The following ANK2 variants were observed in gnomAD, a reference collection of about 807,000 sequenced individuals.
ANK2 encodes the protein ankyrin 2, also known as ankyrin-2.
Under a neutral mutation model 360.5 loss-of-function variants are expected in ANK2, and 83 were observed. The ratio of observed to expected loss-of-function variants is 0.23; its 90% CI spans 0.19 to 0.28. ANK2 has a LOEUF of 0.28. ANK2 is among the 10% of genes least tolerant of loss of function. The pLI, the probability that ANK2 is intolerant of heterozygous loss-of-function variation, is 1.00. For missense variants in ANK2, 4,201 were observed against 4,795.7 expected, an observed-to-expected ratio of 0.88 and a Z score of 3.66; for synonymous variants, 1,740 against 1,759.5, an observed-to-expected ratio of 0.99 and a Z score of 0.28.
At chr4:112,886,080 G>A (rs1242542807) in intron 1 of ANK2, among the ~76,000 whole-genome samples, 2 of 152,108 alleles carry the variant, frequency 1.3e-5, no homozygotes, top group African/African-American at 4.8e-5. Flanking sequence ...TGCAAGGCGG[G>A]TCTTTAGAGA....
chr4:112,838,341 C>T (rs2061414344), intron 1 of ANK2, among the ~76,000 whole-genome samples: 1 of 152,188 alleles, frequency 6.6e-6, no homozygotes, highest in Non-Finnish European at 1.5e-5. Context: ...TATAAATTAT[C>T]CAGCCTCGGG....
intron 1 of ANK2, among the ~76,000 whole-genome samples, chr4:112,878,172 A>G (rs1560911306): frequency 6.6e-6 from 1 of 151,562 alleles, no homozygotes; most frequent in Non-Finnish European, 1.5e-5. Context: ...CTATCTATCT[A>G]TCTATCTATC....
the ANK2 span, among the ~76,000 whole-genome samples, chr4:112,759,779 T>C: frequency 6.6e-6 from 1 of 152,196 alleles, no homozygotes. Flanking sequence ...CTTTGTACTT[T>C]TCAAAGTGCT....
At chr4:112,783,077 T>C in the ANK2 span, among the ~76,000 whole-genome samples, 4 of 151,670 alleles carry the variant, frequency 2.6e-5, no homozygotes, top group Non-Finnish European at 4.4e-5. Context: ...GCCTGGCTAA[T>C]TTTTGTATTT....
intron 11 of ANK2, 53 bp from the exon 12 acceptor site, chr4:113,257,997 G>T: frequency 6.8e-7 from 1 of 1,466,558 alleles, no homozygotes; most frequent in Non-Finnish European, 9.6e-7. Context: ...GCATGGAGTT[G>T]TGTGAGAATT....
chr4:113,281,789 C>G (rs2062496292), intron 17 of ANK2, among the ~76,000 whole-genome samples: 1 of 152,048 alleles, frequency 6.6e-6, no homozygotes, highest in African/African-American at 2.4e-5. Context: ...TTCTTGTAAG[C>G]AGAGTATGAG....
At chr4:112,707,767 C>T in the ANK2 span, among the ~76,000 whole-genome samples, 108 of 152,234 alleles carry the variant, frequency 7.1e-4, no homozygotes, top group Non-Finnish European at 1.4e-3. Flanking sequence ...CTGTAAAGCA[C>T]TTTTATTGAT....
At chr4:113,199,476 A>C (rs2098798342) in intron 4 of ANK2, among the ~76,000 whole-genome samples, 1 of 152,156 alleles carries the variant, frequency 6.6e-6, no homozygotes, top group African/African-American at 2.4e-5. Flanking sequence ...ATATACTTGA[A>C]AGATTTACAT....
At chr4:113,063,179 T>C (rs982926262) in intron 1 of ANK2, among the ~76,000 whole-genome samples, 2 of 152,094 alleles carry the variant, frequency 1.3e-5, no homozygotes, top group African/African-American at 2.4e-5. Flanking sequence ...ATATTCTCTT[T>C]GGGTGTTGCT....
At chr4:113,094,425 C>T (rs1456654927) in intron 1 of ANK2, among the ~76,000 whole-genome samples, 1 of 152,068 alleles carries the variant, frequency 6.6e-6, no homozygotes, top group Non-Finnish European at 1.5e-5. Flanking sequence ...TGATACTTAT[C>T]TGAAGGGGAT....
intron 42 of ANK2, 32 bp from the exon 43 acceptor site, chr4:113,369,482 C>T (rs1470467017): frequency 2.5e-6 from 4 of 1,609,550 alleles, no homozygotes; most frequent in South Asian, 2.2e-5. Flanking sequence ...ATGCAAATGT[C>T]CCTGAAGTCT....
chr4:112,810,725 T>A, the ANK2 span, among the ~76,000 whole-genome samples: 4 of 151,732 alleles, frequency 2.6e-5, no homozygotes, highest in African/African-American at 9.7e-5. Context: ...CTAATTTTTT[T>A]ATTTTTAGTA....
intron 1 of ANK2, among the ~76,000 whole-genome samples, chr4:113,094,761 G>A (rs1219453728): frequency 6.6e-6 from 1 of 152,140 alleles, no homozygotes; most frequent in Non-Finnish European, 1.5e-5. Context: ...TTAGTTATTG[G>A]AATGTCAGAA....
intron 8 of ANK2, among the ~76,000 whole-genome samples, 165 bp downstream of exon 8, chr4:113,240,748 G>A (rs1290500661): frequency 1.3e-5 from 2 of 152,092 alleles, no homozygotes; most frequent in African/African-American, 2.4e-5. Context: ...ATCACAAGAA[G>A]TCATCTTGGC....
intron 7 of ANK2, 119 bp downstream of exon 7, chr4:113,237,741 T>C: frequency 2.1e-6 from 2 of 932,438 alleles, no homozygotes; most frequent in South Asian, 2.7e-5. Context: ...GGGAAATTAA[T>C]TTGAAAACCT....
At chr4:113,082,216 C>G (rs1375311055) in intron 1 of ANK2, among the ~76,000 whole-genome samples, 1 of 152,192 alleles carries the variant, frequency 6.6e-6, no homozygotes, top group Non-Finnish European at 1.5e-5. Flanking sequence ...TTTGCATGGT[C>G]TATATTTTGC....
At chr4:113,048,402 C>T (rs1417057634), upstream of ANK2, among the ~76,000 whole-genome samples, 2 of 141,772 alleles carry the variant, frequency 1.4e-5, no homozygotes, top group African/African-American at 2.6e-5. Flanking sequence ...AAGCAATTCT[C>T]CTGCCCCAGC....
At chr4:112,714,497 A>G in the ANK2 span, among the ~76,000 whole-genome samples, 1 of 152,204 alleles carries the variant, frequency 6.6e-6, no homozygotes, top group Non-Finnish European at 1.5e-5. Flanking sequence ...AACATTATTT[A>G]TACAATTTCC....
intron 2 of ANK2, among the ~76,000 whole-genome samples, chr4:113,006,428 A>C (rs2052886220): frequency 6.6e-6 from 1 of 152,224 alleles, no homozygotes; most frequent in African/African-American, 2.4e-5. Context: ...GAAAGGAGGT[A>C]CAACTTCACT....
Sources: allele counts gnomAD v4.1 joint callset (sites outside exome capture counted in the v4.1 genomes callset), GRCh38; gene constraint gnomAD v4.1.1; transcripts MANE v1.5; gene names NCBI Gene and HGNC (gene_info 2026-07-23, HGNC 2026-07-21).